The following NUP210L variants were observed in gnomAD, a reference collection of about 807,000 sequenced individuals.
The protein encoded by NUP210L is nuclear pore membrane glycoprotein 210-like.
In NUP210L, 74 loss-of-function variants were observed where a neutral mutation model predicts 208.5. The observed-to-expected ratio is 0.35, with a 90% confidence interval of 0.29 to 0.43. The LOEUF (loss-of-function observed/expected upper bound fraction) is 0.43. Ranked by LOEUF, NUP210L falls within the 20% of genes least tolerant of loss-of-function variation. NUP210L has a pLI of 1.00. For synonymous variants in NUP210L, 780 were observed against 816.9 expected (o/e 0.95, Z 0.77); for missense variants, 1,843 against 2,289.4 (o/e 0.81, Z 3.98).
At chr1:154,124,235 TA>T (rs202114981) in intron 10 of NUP210L, among the ~76,000 whole-genome samples, 135 of 136,118 alleles carry the variant, frequency 9.9e-4, no homozygotes, top group African/African-American at 1.5e-3. Flanking sequence ...ACGGGGATGG[TA>T]AAAAAAAAAA....
intron 37 of NUP210L, 92 bp from the exon 38 acceptor site, chr1:153,995,272 G>C (rs977565625): frequency 1.1e-6 from 1 of 885,260 alleles, no homozygotes; most frequent in Non-Finnish European, 1.8e-6. Context: ...TTGAGACAGA[G>C]TTTTACTCTC....
chr1:154,121,530 A>G (rs544254161), intron 10 of NUP210L, among the ~76,000 whole-genome samples: 2 of 152,194 alleles, frequency 1.3e-5, no homozygotes, highest in African/African-American at 4.8e-5. Context: ...AAAAAAGAAG[A>G]AAGATATAAC....
At chr1:154,009,130 C>T (rs1305402907) in intron 35 of NUP210L, among the ~76,000 whole-genome samples, 7 of 151,788 alleles carry the variant, frequency 4.6e-5, no homozygotes, top group Non-Finnish European at 8.8e-5. Context: ...GGCTGGTCTC[C>T]GAAGCCCTGA....
intron 17 of NUP210L, among the ~76,000 whole-genome samples, chr1:154,062,567 C>CTTT (rs34499821): frequency 7.9e-3 from 591 of 74,944 alleles, no homozygotes; most frequent in South Asian, 0.013. Flanking sequence ...TTTCTTTTTC[C>CTTT]TTTTTTTTTT....
Position 154,038,758 on chromosome 1 carries a change from G to A in NUP210L, c.3696+7311C>T, listed in dbSNP as rs536787105. ...TTATAGGTGTGAGCCAACGTGCCTG[G>A]CTTGTTGTAGGTTTTTTTGATTTGA... is the stretch of plus-strand genomic sequence containing the variant. On this transcript the variant is annotated intron_variant, in intron 27 of 39. Transcript: ENST00000368559. Among the ~76,000 whole-genome samples the A allele has an allele frequency of 7.3e-4, 111 of 152,274 alleles. 3 individuals are homozygous for A. The South Asian group carries it at 0.022, about 31-fold the overall frequency.
chr1:154,072,540 GC>G (rs1053774173), intron 16 of NUP210L, among the ~76,000 whole-genome samples: 10 of 151,908 alleles, frequency 6.6e-5, no homozygotes, highest in Non-Finnish European at 2.9e-5. Flanking sequence ...CACCGTGTTA[GC>G]CAGGATGGTC....
At chr1:154,118,100 A>C (rs1657425069) in intron 11 of NUP210L, among the ~76,000 whole-genome samples, 1 of 152,318 alleles carries the variant, frequency 6.6e-6, no homozygotes, top group East Asian at 1.9e-4. Flanking sequence ...ACCTGACGTC[A>C]GAAGTTCGAG....
At chr1:154,009,904 T>C (rs1323676185) in intron 35 of NUP210L, 68 bp downstream of exon 35, 4 of 1,286,718 alleles carry the variant, frequency 3.1e-6, no homozygotes, top group Non-Finnish European at 3.2e-6. Context: ...TGCAATCCAA[T>C]AAGAATGGGA....
chr1:153,993,566 A>G (rs1335680539), intron 38 of NUP210L, among the ~76,000 whole-genome samples: 2 of 148,708 alleles, frequency 1.3e-5, no homozygotes, highest in African/African-American at 5.1e-5. Flanking sequence ...ACTCTGTCTC[A>G]GAAAAAAAAA....
At chr1:154,154,858 G>A (rs552015973) in exon 1 of NUP210L, 10 of 1,613,790 alleles carry the variant, frequency 6.2e-6, no homozygotes, top group Admixed American at 1.7e-5. Flanking sequence ...TAGCAGCCCC[G>A]CTGGGCCTCC....
chr1:154,003,628 G>A (rs529787029), intron 35 of NUP210L, among the ~76,000 whole-genome samples: 1 of 152,060 alleles, frequency 6.6e-6, no homozygotes, highest in Non-Finnish European at 1.5e-5. Flanking sequence ...TCAGAGCTAG[G>A]GCTACAGGTG....
intron 12 of NUP210L, among the ~76,000 whole-genome samples, chr1:154,109,060 A>C (rs1412844052): frequency 1.3e-5 from 2 of 151,748 alleles, no homozygotes; most frequent in Admixed American, 1.3e-4. Flanking sequence ...AGATCATGCC[A>C]TCGCACTCCA....
At chr1:154,090,112 TG>T (rs1396050591) in intron 15 of NUP210L, among the ~76,000 whole-genome samples, 6 of 151,634 alleles carry the variant, frequency 4.0e-5, no homozygotes, top group African/African-American at 1.5e-4. Context: ...GGTGTGGTGA[TG>T]TGTACCTGTA....
At chr1:154,151,680 G>A (rs993685028) in intron 2 of NUP210L, among the ~76,000 whole-genome samples, 15 of 152,160 alleles carry the variant, frequency 9.9e-5, no homozygotes, top group Admixed American at 3.9e-4. Flanking sequence ...TATTATTATT[G>A]TTTTGTAGAG....
chr1:154,093,576 C>A (rs1656036481), intron 15 of NUP210L, among the ~76,000 whole-genome samples: 1 of 152,166 alleles, frequency 6.6e-6, no homozygotes. Context: ...TACGATCGTT[C>A]CACTACACTC....
At chr1:154,016,435 G>A (rs1651251639) in intron 33 of NUP210L, among the ~76,000 whole-genome samples, 1 of 151,744 alleles carries the variant, frequency 6.6e-6, no homozygotes, top group African/African-American at 2.4e-5. Context: ...TCCCTTTATT[G>A]TTTACCTATC....
chr1:154,037,707 C>T (rs961080772), intron 27 of NUP210L, among the ~76,000 whole-genome samples: 2 of 151,924 alleles, frequency 1.3e-5, no homozygotes, highest in Non-Finnish European at 2.9e-5. Context: ...ACTTGCTCCT[C>T]GCCCAGGCTG....
intron 32 of NUP210L, 121 bp downstream of exon 32, chr1:154,022,005 G>T: frequency 1.1e-6 from 1 of 902,154 alleles, no homozygotes; most frequent in Non-Finnish European, 1.7e-6. Flanking sequence ...AAAGGGCTGA[G>T]ATTATGGGTA....
rs565871501 is a variant in NUP210L, at chr1:154,033,681, T to C, written c.3697-3627A>G. Among the ~76,000 whole-genome samples the C allele has an allele frequency of 4.6e-5, 7 of 152,330 alleles. No individual in the cohort carries two copies. The South Asian group carries it at 1.2e-3, about 27-fold the overall frequency. ...TCATATAATTTGAAGTCAGGTAATA[T>C]GAGTCTTCCAGTTTTATTCTTTTTG... On this transcript the variant is annotated intron_variant, in intron 27 of 39. Coordinates refer to ENST00000368559, the Ensembl canonical transcript of NUP210L.
Sources: gnomAD v4.1 joint callset for allele counts (sites outside exome capture counted in the v4.1 genomes callset) on GRCh38, gnomAD v4.1.1 for gene constraint, MANE v1.5 for transcripts, NCBI Gene and HGNC (gene_info 2026-07-23, HGNC 2026-07-21) for gene names.